ZDHHC14: variants seen among roughly 807,000 people sequenced by gnomAD.
The protein encoded by ZDHHC14 is palmitoyltransferase ZDHHC14.
Under a neutral mutation model 47.7 loss-of-function variants are expected in ZDHHC14, and 16 were observed. That is an observed-to-expected ratio of 0.34 (90% CI 0.23 to 0.51). The LOEUF is 0.51. ZDHHC14 is among the 20% of genes least tolerant of loss of function. ZDHHC14 has a pLI of 0.97. For missense variants in ZDHHC14, 515 were observed against 662.5 expected, an observed-to-expected ratio of 0.78 and a Z score of 2.44; for synonymous variants, 293 against 278.9, an observed-to-expected ratio of 1.05 and a Z score of -0.50.
chr6:157,447,202 G>A (rs768315754), intron 1 of ZDHHC14, among the ~76,000 whole-genome samples: 3 of 152,244 alleles, frequency 2.0e-5, no homozygotes, highest in Non-Finnish European at 2.9e-5. Context: ...TCTGCCGAAG[G>A]TTTTATTTGT....
chr6:157,641,874 A>T lies in ZDHHC14; in HGVS notation c.753-3863A>T, dbSNP rs1385362033. ...TGGTGCAAGCTGAAGTTCTAGCTTTATTTTTTTCTAAATGTTTAATGAAGT... is the reference window on the plus strand; with the variant it reads ...TGGTGCAAGCTGAAGTTCTAGCTTTTTTTTTTTCTAAATGTTTAATGAAGT... On this transcript the variant is annotated intron_variant, in intron 5 of 8. Transcript: ENST00000359775. Among the ~76,000 whole-genome samples the T allele has an allele frequency of 3.9e-5, 6 of 152,128 alleles. No homozygotes were observed. In the East Asian group the frequency reaches 1.2e-3, roughly 29 times the overall value.
At chr6:157,546,160 C>T (rs563746617) in intron 2 of ZDHHC14, among the ~76,000 whole-genome samples, 177 of 152,318 alleles carry the variant, frequency 1.2e-3, no homozygotes, top group Middle Eastern at 3.4e-3. Context: ...GGTGCAGGCA[C>T]CTGCAAGCTG....
intron 1 of ZDHHC14, among the ~76,000 whole-genome samples, chr6:157,440,328 G>A (rs1317640758): frequency 1.3e-5 from 2 of 152,064 alleles, no homozygotes; most frequent in African/African-American, 4.8e-5. Context: ...AGTCACTAGG[G>A]AAATGCAAGT....
At chr6:157,570,255 G>C (rs936554850) in intron 2 of ZDHHC14, among the ~76,000 whole-genome samples, 2 of 152,202 alleles carry the variant, frequency 1.3e-5, no homozygotes, top group Non-Finnish European at 2.9e-5. Context: ...TAATGGTGAA[G>C]CCTGGCCCTG....
chr6:157,481,603 C>G (rs1779631771), intron 1 of ZDHHC14, among the ~76,000 whole-genome samples: 1 of 152,182 alleles, frequency 6.6e-6, no homozygotes, highest in African/African-American at 2.4e-5. Flanking sequence ...CATTACTTGC[C>G]TTTTCCCCTT....
intron 1 of ZDHHC14, among the ~76,000 whole-genome samples, chr6:157,527,357 T>C (rs374486365): frequency 3.3e-4 from 51 of 152,336 alleles, no homozygotes; most frequent in African/African-American, 1.1e-3. Flanking sequence ...ATAGTTGATA[T>C]TCCTTTGCTC....
At chr6:157,466,397 A>G (rs941525137) in intron 1 of ZDHHC14, among the ~76,000 whole-genome samples, 2 of 152,228 alleles carry the variant, frequency 1.3e-5, no homozygotes, top group Non-Finnish European at 2.9e-5. Context: ...GTGGATTCCC[A>G]GGGTTTAGGA....
At chr6:157,429,799 A>G (rs963204890) in intron 1 of ZDHHC14, among the ~76,000 whole-genome samples, 3 of 152,168 alleles carry the variant, frequency 2.0e-5, no homozygotes, top group Non-Finnish European at 4.4e-5. Context: ...ACCTCCTCCT[A>G]AGTGATCTGG....
intron 1 of ZDHHC14, among the ~76,000 whole-genome samples, chr6:157,468,079 A>T (rs894090196): frequency 7.2e-5 from 11 of 152,338 alleles, no homozygotes; most frequent in African/African-American, 2.6e-4. Context: ...TGGAAAAATC[A>T]CTACTATAAG....
intron 3 of ZDHHC14, among the ~76,000 whole-genome samples, chr6:157,615,021 C>T (rs149080516): frequency 3.6e-4 from 55 of 152,164 alleles, no homozygotes; most frequent in South Asian, 1.0e-3. Context: ...CACCCACCTC[C>T]GCCTCCCAAA....
At chr6:157,564,178 C>T (rs1236909230) in intron 2 of ZDHHC14, among the ~76,000 whole-genome samples, 2 of 152,232 alleles carry the variant, frequency 1.3e-5, no homozygotes, top group African/African-American at 2.4e-5. Context: ...TCAGTTAGAA[C>T]TGTTCTTGCA....
intron 1 of ZDHHC14, among the ~76,000 whole-genome samples, chr6:157,491,883 T>C (rs1173535442): frequency 1.3e-5 from 2 of 152,222 alleles, no homozygotes; most frequent in African/African-American, 4.8e-5. Context: ...ATCCTAAGGA[T>C]TAATTCTTTT....
chr6:157,657,016 G>A (rs1421387244), intron 8 of ZDHHC14, among the ~76,000 whole-genome samples: 1 of 151,816 alleles, frequency 6.6e-6, no homozygotes. Flanking sequence ...ATCTCCTGTA[G>A]CATCTTCTTG....
At chr6:157,587,608 G>T (rs1258030908) in intron 2 of ZDHHC14, among the ~76,000 whole-genome samples, 6 of 152,222 alleles carry the variant, frequency 3.9e-5, no homozygotes, top group Non-Finnish European at 8.8e-5. Flanking sequence ...GCCTCAGGAA[G>T]AGAGAAGTAG....
chr6:157,454,877 A>G (rs545621436), intron 1 of ZDHHC14, among the ~76,000 whole-genome samples: 1 of 152,294 alleles, frequency 6.6e-6, no homozygotes, highest in Non-Finnish European at 1.5e-5. Flanking sequence ...AATATTCCTA[A>G]GCCCCAGCAG....
At chr6:157,612,178 C>T (rs1350681303) in intron 3 of ZDHHC14, among the ~76,000 whole-genome samples, 1 of 152,204 alleles carries the variant, frequency 6.6e-6, no homozygotes, top group African/African-American at 2.4e-5. Context: ...TGGATCCCAG[C>T]TTAAACCACT....
intron 1 of ZDHHC14, among the ~76,000 whole-genome samples, chr6:157,527,213 C>CG (rs531593673): frequency 3.7e-3 from 563 of 152,190 alleles, no homozygotes; most frequent in Non-Finnish European, 6.3e-3. Flanking sequence ...TTACACCAGC[C>CG]GGGGGGCCAT....
At chr6:157,626,567 G>A (rs1234094081) in intron 3 of ZDHHC14, among the ~76,000 whole-genome samples, 2 of 152,084 alleles carry the variant, frequency 1.3e-5, no homozygotes, top group African/African-American at 4.8e-5. Flanking sequence ...GGTCCAGAGA[G>A]TTCCCATCTC....
At chr6:157,413,824 GA>G (rs1296328243) in intron 1 of ZDHHC14, among the ~76,000 whole-genome samples, 1 of 152,108 alleles carries the variant, frequency 6.6e-6, no homozygotes, top group Non-Finnish European at 1.5e-5. Flanking sequence ...GGACATCTGT[GA>G]TGAGTTACAA....
Sources: gnomAD v4.1 joint callset for allele counts (sites outside exome capture counted in the v4.1 genomes callset) on GRCh38, gnomAD v4.1.1 for gene constraint, MANE v1.5 for transcripts, NCBI Gene and HGNC (gene_info 2026-07-23, HGNC 2026-07-21) for gene names.